The following TRIP4 variants were observed in gnomAD, a reference collection of about 807,000 sequenced individuals.
TRIP4 encodes the protein activating signal cointegrator 1.
Under a neutral mutation model 81.8 loss-of-function variants are expected in TRIP4, and 54 were observed. The observed-to-expected ratio is 0.66, with a 90% CI of 0.53 to 0.83. The LOEUF (loss-of-function observed/expected upper bound fraction) is 0.83. Among genes scored for constraint, TRIP4 ranks in the 40% least tolerant of loss-of-function variants. TRIP4 has a pLI of 0.00. For missense variants in TRIP4, 662 were observed against 683.6 expected, an observed-to-expected ratio of 0.97 and a Z score of 0.35; for synonymous variants, 270 against 242.8, an observed-to-expected ratio of 1.11 and a Z score of -1.04.
chr15:64,402,075 T>C (rs962170509), intron 5 of TRIP4, among the ~76,000 whole-genome samples: 14 of 152,184 alleles, frequency 9.2e-5, no homozygotes, highest in African/African-American at 3.4e-4. Flanking sequence ...TATTAATTTC[T>C]TAGTTTTGAT....
chr15:64,418,521 A>G lies in TRIP4; in HGVS notation c.1171-20A>G. On this transcript the variant is annotated intron_variant, in intron 8 of 12. Transcript: ENST00000261884. ...TTCTTGCCTTATAAGATAGAACTGT[A>G]TGTTTGTTTTTCTGTGTAGTGGGTT... 1.3e-6 allele frequency: 2 copies of G among 1,599,000 alleles called. No individual in the cohort carries two copies. The highest frequency in any genetic ancestry group is 1.3e-5 in the African/African-American group (1 of 74,642).
At chr15:64,412,916 T>C (rs902770344) in intron 7 of TRIP4, among the ~76,000 whole-genome samples, 2 of 152,142 alleles carry the variant, frequency 1.3e-5, no homozygotes, top group Admixed American at 6.6e-5. Context: ...GAGCCAGATA[T>C]CCAATGCCAA....
At chr15:64,444,276 A>G (rs1276769915) in intron 11 of TRIP4, among the ~76,000 whole-genome samples, 2 of 152,232 alleles carry the variant, frequency 1.3e-5, no homozygotes, top group African/African-American at 2.4e-5. Flanking sequence ...CAGCTCAGCC[A>G]TTGCTAACCC....
At chr15:64,441,797 A>T (rs1892523432) in intron 11 of TRIP4, among the ~76,000 whole-genome samples, 1 of 152,110 alleles carries the variant, frequency 6.6e-6, no homozygotes, top group African/African-American at 2.4e-5. Flanking sequence ...TATAAATAAA[A>T]AATAAGGCTG....
At position 64,394,091 on chromosome 15, in the gene TRIP4, TTG is replaced by T. The variant is rs1900215449; in HGVS notation, c.248_249del (p.Leu83SerfsTer8). ...KNDQELISDP[L>X]QQCFKKDEIL... ...TGATCAGGAGTTGATTTCGGATCCTTTGCAGCAGTGCTTCAAAAAAGATGGTA... is the reference window on the plus strand; with the variant it reads ...TGATCAGGAGTTGATTTCGGATCCTTCAGCAGTGCTTCAAAAAAGATGGTA... On this transcript the variant is annotated frameshift_variant, in exon 2 of 13. Transcript: ENST00000261884. LOFTEE classifies it high-confidence loss of function. 1 of 1,601,654 alleles carries T rather than the reference TTG, an allele frequency of 6.2e-7. No individual in the cohort carries two copies. The highest frequency in any genetic ancestry group is 8.5e-7 in the Non-Finnish European group (1 of 1,174,244).
intron 11 of TRIP4, among the ~76,000 whole-genome samples, chr15:64,434,467 TTCA>T (rs1332828318): frequency 6.6e-6 from 1 of 151,950 alleles, no homozygotes; most frequent in Non-Finnish European, 1.5e-5. Context: ...ATGATAGGCA[TTCA>T]AATCTATCAA....
chr15:64,404,173 A>G (rs1295639791), intron 5 of TRIP4, among the ~76,000 whole-genome samples: 1 of 151,992 alleles, frequency 6.6e-6, no homozygotes, highest in Admixed American at 6.6e-5. Flanking sequence ...CTGGGCAACG[A>G]GAGTGAAACT....
At chr15:64,425,805 G>A (rs1202269942) in intron 11 of TRIP4, among the ~76,000 whole-genome samples, 174 bp downstream of exon 11, 9 of 152,132 alleles carry the variant, frequency 5.9e-5, no homozygotes, top group Admixed American at 1.3e-4. Context: ...TTTCCAGGCC[G>A]GGCGCTGGTG....
chr15:64,397,637 A>C lies in TRIP4; in HGVS notation c.437A>C (p.Lys146Thr). Residue 146 changes from lysine to threonine, a missense_variant, in exon 4 of 13, where the codon AAG becomes ACG. Coordinates refer to ENST00000261884, the MANE Select transcript of TRIP4 (RefSeq NM_016213.5). ...AQENSNSVKK[K>T]TKFVNLYTRE... ...GAGAACAGCAACTCCGTAAAGAAGA[A>C]GACAAAGTTTGTCAATTTATACACA... 18 of 1,613,478 alleles carry C rather than the reference A, an allele frequency of 1.1e-5. No individual in the cohort carries two copies. The highest frequency in any genetic ancestry group is 1.5e-5 in the Non-Finnish European group (18 of 1,179,382).
At chr15:64,436,299 G>GA (rs756457617) in intron 11 of TRIP4, among the ~76,000 whole-genome samples, 179 of 140,904 alleles carry the variant, frequency 1.3e-3, no homozygotes, top group East Asian at 6.7e-3. Context: ...CGTCTCAAAA[G>GA]AAAAAAAAAA....
chr15:64,394,046 A>G lies in TRIP4; in HGVS notation c.202A>G (p.Ile68Val), dbSNP rs1317822922. ...GKKGQFIEEL[I>V]TKWQKNDQEL... ...AAAAGGTCAATTCATAGAAGAACTT[A>G]TAACCAAATGGCAAAAGAATGATCA... Residue 68 changes from isoleucine (I) to valine (V), a missense_variant, in exon 2 of 13, where the codon ATA becomes GTA. By Grantham distance (29) the Ile-to-Val change is conservative. Transcript: ENST00000261884. 15 of 1,611,692 alleles carry G rather than the reference A, an allele frequency of 9.3e-6. No individual in the cohort carries two copies. Among genetic ancestry groups the G allele is most frequent in the Non-Finnish European group, 1.2e-5 (14 of 1,178,974 alleles).
chr15:64,423,940 G>T, intron 9 of TRIP4, 91 bp from the exon 10 acceptor site: 4 of 1,515,118 alleles, frequency 2.6e-6, no homozygotes, highest in Non-Finnish European at 3.6e-6. Flanking sequence ...TGGTTCAACT[G>T]GATAATTTGC....
chr15:64,405,248 A>G (rs553696490), intron 5 of TRIP4, among the ~76,000 whole-genome samples: 2 of 148,574 alleles, frequency 1.3e-5, no homozygotes, highest in South Asian at 2.1e-4. Context: ...TCAGCGTCCC[A>G]GGTTCATGCC....
At chr15:64,436,403 G>A (rs1892399542) in intron 11 of TRIP4, among the ~76,000 whole-genome samples, 1 of 151,548 alleles carries the variant, frequency 6.6e-6, no homozygotes, top group African/African-American at 2.4e-5. Context: ...ACCAGCCTGG[G>A]CAGCATGGTG....
At chr15:64,425,302 A>C (rs1050615766) in intron 10 of TRIP4, among the ~76,000 whole-genome samples, 1 of 152,148 alleles carries the variant, frequency 6.6e-6, no homozygotes, top group African/African-American at 2.4e-5. Context: ...TGATGGTATG[A>C]GGGCAAAGGA....
chr15:64,435,893 G>A (rs372560298), intron 11 of TRIP4, among the ~76,000 whole-genome samples: 25 of 127,528 alleles, frequency 2.0e-4, no homozygotes, highest in East Asian at 4.5e-4. Context: ...ATGGTAGATT[G>A]AAAAAAAAAA....
intron 12 of TRIP4, among the ~76,000 whole-genome samples, chr15:64,451,817 C>A (rs189982714): frequency 6.6e-6 from 1 of 151,518 alleles, no homozygotes; most frequent in South Asian, 2.1e-4. Context: ...CCACGCCCAA[C>A]TAATTTTTGT....
At chr15:64,395,143 ATT>A (rs1400152249) in intron 2 of TRIP4, among the ~76,000 whole-genome samples, 1 of 152,122 alleles carries the variant, frequency 6.6e-6, no homozygotes, top group Non-Finnish European at 1.5e-5. Context: ...ACTAAGCCTG[ATT>A]TTAGAATATC....
At chr15:64,422,250 G>A (rs1420379191) in intron 9 of TRIP4, among the ~76,000 whole-genome samples, 1 of 152,176 alleles carries the variant, frequency 6.6e-6, no homozygotes, top group Non-Finnish European at 1.5e-5. Flanking sequence ...GGATTGCCCT[G>A]AAATATGAAG....
Sources: allele counts gnomAD v4.1 joint callset (sites outside exome capture counted in the v4.1 genomes callset), GRCh38; gene constraint gnomAD v4.1.1; transcripts MANE v1.5; gene names NCBI Gene and HGNC (gene_info 2026-07-23, HGNC 2026-07-21).